TIMELESS: variants seen among roughly 807,000 people sequenced by gnomAD.
TIMELESS encodes timeless circadian regulator, also known as protein timeless homolog.
A neutral mutation model predicts 164.3 loss-of-function variants in TIMELESS; 124 were observed. The observed-to-expected ratio is 0.75, with a 90% CI of 0.65 to 0.88. The LOEUF (loss-of-function observed/expected upper bound fraction) is 0.88. Among genes scored for constraint, TIMELESS ranks in the 40% least tolerant of loss-of-function variants. The pLI, the probability that TIMELESS is intolerant of heterozygous loss-of-function variation, is 0.00. For synonymous variants in TIMELESS, 564 were observed against 563.4 expected (o/e 1.00, Z -0.02); for missense variants, 1,422 against 1,491.4 (o/e 0.95, Z 0.77).
chr12:56,439,534 A>G (rs576250817), intron 1 of TIMELESS, among the ~76,000 whole-genome samples: 1 of 152,144 alleles, frequency 6.6e-6, no homozygotes, highest in East Asian at 1.9e-4. Flanking sequence ...AGCTGGGACC[A>G]CAGGCATTCA....
chr12:56,430,707 T>A (rs951649044), intron 9 of TIMELESS, among the ~76,000 whole-genome samples, 174 bp downstream of exon 9: 7 of 152,152 alleles, frequency 4.6e-5, no homozygotes, highest in African/African-American at 1.7e-4. Flanking sequence ...TCTTGCCATG[T>A]TGCCCAGTCT....
At chr12:56,424,434 G>C (rs1881604717) in intron 15 of TIMELESS, among the ~76,000 whole-genome samples, 1 of 152,102 alleles carries the variant, frequency 6.6e-6, no homozygotes. Context: ...GTGAAACAAT[G>C]TATAACAAAA....
chr12:56,449,105 C>G (rs1268723775), intron 1 of TIMELESS, among the ~76,000 whole-genome samples: 1 of 152,270 alleles, frequency 6.6e-6, no homozygotes, highest in Admixed American at 6.5e-5. Flanking sequence ...GGGCTAAGCC[C>G]GCGTCCGGTG....
rs1254123680 is a variant in TIMELESS at position 56,428,648 on chromosome 12, G to A, written c.1309C>T (p.His437Tyr). 1 of 1,613,424 alleles carries A rather than the reference G, an allele frequency of 6.2e-7. No homozygotes were observed. The highest frequency in any genetic ancestry group is 1.3e-5 in the African/African-American group (1 of 74,862). ...KEAASWARRM[H>Y]LALKAYQELL... Reference sequence around the variant, plus strand: ...TCCTGATAGGCCTTCAGAGCCAAGTGCATCCTGAGAGTTGACGGGAAACGG... The same window carrying A: ...TCCTGATAGGCCTTCAGAGCCAAGTACATCCTGAGAGTTGACGGGAAACGG... Residue 437 changes from histidine (H) to tyrosine (Y), a missense_variant, in exon 12 of 29, where the codon CAC becomes TAC. His to Tyr is a moderately conservative substitution (Grantham distance 83). Transcript: ENST00000553532.
chr12:56,419,459 A>AGTGTGTGTGTGTGTGTGTGT (rs10664617), intron 26 of TIMELESS, among the ~76,000 whole-genome samples: 1 of 147,936 alleles, frequency 6.8e-6, no homozygotes, highest in East Asian at 2.0e-4. Flanking sequence ...AGACAGATGG[A>AGTGTGTGTGTGTGTGTGTGT]GTGTGTGTGT....
intron 10 of TIMELESS, among the ~76,000 whole-genome samples, chr12:56,429,490 G>A (rs1263270950): frequency 5.6e-5 from 8 of 143,896 alleles, no homozygotes; most frequent in African/African-American, 1.3e-4. Context: ...GAGCCACTGC[G>A]CCTGGTCTTT....
rs370352757 is a variant in TIMELESS, at chr12:56,422,986, C to G, written c.2299G>C (p.Val767Leu). 1.9e-6 allele frequency: 3 copies of G among 1,613,390 alleles called. No individual in the cohort carries two copies. The highest frequency in any genetic ancestry group is 2.7e-5 in the African/African-American group (2 of 74,920). Residue 767 changes from valine to leucine, a missense_variant, in exon 19 of 29, where the codon GTG (valine) becomes CTG (leucine). Physicochemically the swap from Val to Leu is conservative, Grantham distance 32. Transcript: ENST00000553532. ...DPAAGAYKEL[V>L]TFAKYILGKF... Reference sequence around the variant, plus strand: ...CCCAGGATGTATTTGGCAAAAGTCACTAGCTCCTGTAGGAGAAGGAGGTTA... The same window carrying G: ...CCCAGGATGTATTTGGCAAAAGTCAGTAGCTCCTGTAGGAGAAGGAGGTTA...
At chr12:56,423,207 G>T in intron 18 of TIMELESS, 67 bp downstream of exon 18, 2 of 1,571,472 alleles carry the variant, frequency 1.3e-6, no homozygotes, top group Non-Finnish European at 1.7e-6. Context: ...TCTATCTCCT[G>T]AAGATTATTT....
chr12:56,434,830 T>A (rs961862920), intron 1 of TIMELESS, among the ~76,000 whole-genome samples: 1 of 152,048 alleles, frequency 6.6e-6, no homozygotes, highest in African/African-American at 2.4e-5. Flanking sequence ...GACATGATGA[T>A]CATTTGCCCC....
In TIMELESS at chr12:56,417,865, C is replaced by T; in HGVS notation, c.3556+42G>A. 1.9e-6 allele frequency: 3 copies of T among 1,613,860 alleles called. No homozygotes were observed. The South Asian group carries it at 3.3e-5, about 18-fold the overall frequency. On this transcript the variant is annotated intron_variant, in intron 28 of 28. Transcript: ENST00000553532. ...GTAAGGACGTGGTAGAGTTTGTCTT[C>T]AGGATTAGAGAAGAAAAAGAAGGTC...
At chr12:56,419,884 G>A (rs1881397725) in intron 26 of TIMELESS, among the ~76,000 whole-genome samples, 2 of 150,716 alleles carry the variant, frequency 1.3e-5, no homozygotes, top group African/African-American at 2.4e-5. Context: ...ATATAGGCCT[G>A]TAGTCCCAGC....
intron 13 of TIMELESS, among the ~76,000 whole-genome samples, chr12:56,426,018 C>A (rs1233897218): frequency 6.6e-6 from 1 of 152,138 alleles, no homozygotes; most frequent in Non-Finnish European, 1.5e-5. Context: ...AACTGAGAGG[C>A]CCCTGAAGGT....
intron 13 of TIMELESS, among the ~76,000 whole-genome samples, chr12:56,427,841 G>A (rs1048641746): frequency 3.3e-5 from 5 of 152,162 alleles, no homozygotes; most frequent in Non-Finnish European, 7.3e-5. Context: ...CTCCTCAAGC[G>A]CGGGGATTAC....
At chr12:56,418,066 C>T in intron 27 of TIMELESS, 58 bp from the exon 28 acceptor site, 1 of 1,613,200 alleles carries the variant, frequency 6.2e-7, no homozygotes, top group South Asian at 1.1e-5. Flanking sequence ...TCTCAGAACA[C>T]CTTTCCTGCC....
In TIMELESS at chr12:56,424,789, T is replaced by C; in HGVS notation, c.1841A>G (p.Gln614Arg). The C allele has an allele frequency of 1.2e-6, 2 of 1,614,152 alleles. No individual in the cohort carries two copies. The highest frequency in any genetic ancestry group is 1.7e-6 in the Non-Finnish European group (2 of 1,180,030). Reference sequence around the variant, plus strand: ...AGCAGACCTCAGGAGAGTCAGGGCCTGTGGGGCCTGGCCAGCCAGGAGACA... The same window carrying C: ...AGCAGACCTCAGGAGAGTCAGGGCCCGTGGGGCCTGGCCAGCCAGGAGACA... ...QDCLLAGQAP[Q>R]ALTLLRSARE... Residue 614 changes from glutamine to arginine, a missense_variant, in exon 15 of 29, where the codon CAG (glutamine) becomes CGG (arginine). Gln to Arg is a conservative substitution (Grantham distance 43). Transcript: ENST00000553532.
At position 56,421,448 on chromosome 12, in the gene TIMELESS, C is replaced by T. The variant is rs768425224; in HGVS notation, c.2771G>A (p.Arg924Gln). The change falls in exon 23 of 29, where the codon CGG becomes CAG. Residue 924 changes from arginine (R) to glutamine (Q), a missense_variant. By Grantham distance (43) the Arg-to-Gln change is conservative (BLOSUM62 1). Transcript: ENST00000553532. The part of the protein sequence containing the change: ...IMKNITAKRS[R>Q]ARIVDKLLAL... Reference sequence around the variant, plus strand: ...CAAGAGTTTATCCACTATTCGGGCCCGTGAGCGTTTGGCTGTGATATTCTT... The same window carrying T: ...CAAGAGTTTATCCACTATTCGGGCCTGTGAGCGTTTGGCTGTGATATTCTT... 1.1e-5 allele frequency: 18 copies of T among 1,613,892 alleles called. No homozygotes were observed. Among genetic ancestry groups the T allele is most frequent in the Non-Finnish European group, 1.4e-5 (17 of 1,179,990 alleles).
At position 56,433,097 on chromosome 12, in the gene TIMELESS, A is replaced by G. The variant is rs1252066276; in HGVS notation, c.460T>C (p.Leu154=). The G allele has an allele frequency of 1.9e-6, 3 of 1,614,182 alleles. No homozygotes were observed. The highest frequency in any genetic ancestry group is 2.2e-5 in the South Asian group (2 of 91,082). The change falls in exon 6 of 29, where the codon TTG becomes CTG. Residue 154 remains leucine, a synonymous_variant. Coordinates refer to ENST00000553532, the MANE Select transcript of TIMELESS (RefSeq NM_003920.5). ...GWEERQEEDN[L]LIERILLLVR... ...AGCAGTAGGATCCGTTCAATCAGCAAGTTGTCTTCCTCCTGCCGTTCCTCC... is the reference window on the plus strand; with the variant it reads ...AGCAGTAGGATCCGTTCAATCAGCAGGTTGTCTTCCTCCTGCCGTTCCTCC...
At chr12:56,429,997 C>G (rs1001455535) in intron 10 of TIMELESS, 108 bp downstream of exon 10, 2 of 1,117,074 alleles carry the variant, frequency 1.8e-6, no homozygotes, top group African/African-American at 1.6e-5. Flanking sequence ...AGTCCACATT[C>G]CAGGGGCAGC....
chr12:56,441,986 A>G (rs1051178153), intron 1 of TIMELESS, among the ~76,000 whole-genome samples: 11 of 147,808 alleles, frequency 7.4e-5, no homozygotes, highest in African/African-American at 2.7e-4. Context: ...CGGGAGGCTG[A>G]GGCAGGAGAA....
Sources: allele counts gnomAD v4.1 joint callset (sites outside exome capture counted in the v4.1 genomes callset), GRCh38; gene constraint gnomAD v4.1.1; transcripts MANE v1.5; gene names NCBI Gene and HGNC (gene_info 2026-07-23, HGNC 2026-07-21).